The following HDAC9 variants were observed in gnomAD, a reference collection of about 807,000 sequenced individuals.
The protein encoded by HDAC9 is histone deacetylase 9.
In HDAC9, 41 loss-of-function variants were observed where a neutral mutation model predicts 139.4. The ratio of observed to expected loss-of-function variants is 0.29; its 90% CI spans 0.23 to 0.38. The LOEUF (loss-of-function observed/expected upper bound fraction) is 0.38, where lower values mean the gene tolerates loss of function less well. HDAC9 is among the 10% of genes least tolerant of loss of function. The probability of loss-of-function intolerance (pLI) is 1.00; values close to 1 mark genes in which losing one functional copy is unlikely to be tolerated. For synonymous variants in HDAC9, 517 were observed against 476.2 expected (o/e 1.09, Z -1.12); for missense variants, 1,147 against 1,297.0 (o/e 0.88, Z 1.78).
chr7:18,240,931 A>G lies in HDAC9; in HGVS notation c.25+78582A>G, dbSNP rs1029136177. On this transcript the variant is annotated intron_variant, in intron 2 of 12. Transcript: ENST00000417496. The stretch of plus-strand genomic sequence containing the variant: ...TCCTTTCTTTCAGGTCTCTGCTCAG[A>G]TGTCACTGCATCATTGAGACCTTCC... Among the ~76,000 whole-genome samples the G allele has an allele frequency of 2.0e-5, 3 of 152,096 alleles. No individual in the cohort carries two copies. In the South Asian group the frequency reaches 6.2e-4, roughly 32 times the overall value.
At chr7:18,356,358 GTTTTTTTTTTTTT>G (rs5882659) in intron 1 of HDAC9, among the ~76,000 whole-genome samples, 3 of 55,140 alleles carry the variant, frequency 5.4e-5, no homozygotes, top group East Asian at 5.8e-4. Flanking sequence ...CAGCACATAG[GTTTTTTTTTTTTT>G]TTTTTTTTTT....
intron 21 of HDAC9, among the ~76,000 whole-genome samples, chr7:18,853,456 G>A (rs1363755410): frequency 6.6e-6 from 1 of 152,148 alleles, no homozygotes; most frequent in African/African-American, 2.4e-5. Flanking sequence ...AGCATCAATT[G>A]TAAGATAATT....
intron 21 of HDAC9, among the ~76,000 whole-genome samples, chr7:18,857,258 G>C (rs1279662448): frequency 6.6e-6 from 1 of 150,674 alleles, no homozygotes; most frequent in Admixed American, 6.6e-5. Flanking sequence ...CAATTCAGAG[G>C]GTCAAGATTG....
intron 2 of HDAC9, among the ~76,000 whole-genome samples, chr7:18,175,722 T>A (rs1788838442): frequency 6.6e-6 from 1 of 151,952 alleles, no homozygotes. Flanking sequence ...TGTATTGATT[T>A]ATAGGAAATT....
chr7:18,792,406 C>A (rs1562945108), intron 16 of HDAC9, among the ~76,000 whole-genome samples: 1 of 151,804 alleles, frequency 6.6e-6, no homozygotes, highest in East Asian at 1.9e-4. Context: ...AAATTAGAGA[C>A]TTCTACCATC....
intron 21 of HDAC9, among the ~76,000 whole-genome samples, chr7:18,847,014 A>G (rs1425319901): frequency 1.3e-5 from 2 of 152,142 alleles, no homozygotes; most frequent in Non-Finnish European, 2.9e-5. Flanking sequence ...TGACTTTGAT[A>G]TTGTTTGAAG....
chr7:18,801,494 AT>A (rs1358041470), intron 17 of HDAC9, among the ~76,000 whole-genome samples: 5 of 152,092 alleles, frequency 3.3e-5, no homozygotes, highest in Non-Finnish European at 7.4e-5. Context: ...TGGTTTGCTA[AT>A]AATATTTTGG....
At chr7:18,951,652 C>T (rs1782801119) in intron 23 of HDAC9, among the ~76,000 whole-genome samples, 1 of 151,798 alleles carries the variant, frequency 6.6e-6, no homozygotes, top group Non-Finnish European at 1.5e-5. Context: ...TAATCTCCAT[C>T]ACCAATGTTT....
In HDAC9 at chr7:18,649,762, C is replaced by T. The variant is rs545240131; in HGVS notation, c.1467+1079C>T. 7.2e-5 allele frequency among the ~76,000 whole-genome samples: 11 copies of T among 152,134 alleles called. No homozygotes were observed. The East Asian group carries it at 7.8e-4, about 11-fold the overall frequency. ...GTTTTTCTCTTCTTTTGGCCTCCAT[C>T]GTAACAAGGGCAGAGCCATGAAGGA... On this transcript the variant is annotated intron_variant, in intron 11 of 25. Transcript: ENST00000686413.
At chr7:18,632,080 A>G (rs1782526569) in intron 7 of HDAC9, among the ~76,000 whole-genome samples, 1 of 151,976 alleles carries the variant, frequency 6.6e-6, no homozygotes, top group Non-Finnish European at 1.5e-5. Context: ...TGATATGGAA[A>G]TGAGACATTA....
intron 1 of HDAC9, among the ~76,000 whole-genome samples, chr7:18,300,179 A>AT (rs1304462098): frequency 6.8e-6 from 1 of 147,432 alleles, no homozygotes; most frequent in Admixed American, 6.8e-5. Flanking sequence ...ACATTATGAG[A>AT]TTTTTTTGCA....
Position 18,862,386 on chromosome 7 carries a change from T to C in HDAC9, c.2685-12092T>C, listed in dbSNP as rs1562999625. On this transcript the variant is annotated intron_variant, in intron 21 of 25. Transcript: ENST00000686413. Reference sequence around the variant, plus strand: ...AGTTAATCTAAATGAATCCCCCCAGTCTCATATAATAGTTGAAACTAAGAC... The same window carrying C: ...AGTTAATCTAAATGAATCCCCCCAGCCTCATATAATAGTTGAAACTAAGAC... Among the ~76,000 whole-genome samples, 6 of 152,056 alleles carry C rather than the reference T, an allele frequency of 3.9e-5. No individual in the cohort carries two copies. In the South Asian group the frequency reaches 1.2e-3, roughly 32 times the overall value.
intron 22 of HDAC9, among the ~76,000 whole-genome samples, chr7:18,895,826 G>GT (rs1426446409): frequency 6.6e-6 from 1 of 151,956 alleles, no homozygotes; most frequent in Non-Finnish European, 1.5e-5. Context: ...ATTTCCAAGA[G>GT]TTTCCTGTTT....
chr7:18,400,852 G>A (rs923100225), intron 1 of HDAC9, among the ~76,000 whole-genome samples: 1 of 152,132 alleles, frequency 6.6e-6, no homozygotes, highest in African/African-American at 2.4e-5. Flanking sequence ...TGCAAACCAC[G>A]TCTGCATTTT....
At chr7:18,456,582 G>T (rs1166143087) in intron 1 of HDAC9, among the ~76,000 whole-genome samples, 1 of 152,024 alleles carries the variant, frequency 6.6e-6, no homozygotes, top group Non-Finnish European at 1.5e-5. Flanking sequence ...TCATTCATAT[G>T]ATTTATGAAC....
intron 17 of HDAC9, chr7:18,807,967 CTGTTTTCTTATTGATTCTTTTTT>C: frequency 6.6e-6 from 1 of 152,288 alleles, no homozygotes; most frequent in East Asian, 1.9e-4. Flanking sequence ...TTCAAGTCCA[CTGTTTTCTTATTGATTCTTTTTT>C]TGTGGATGAT....
chr7:18,879,503 G>C (rs1370834089), intron 22 of HDAC9, among the ~76,000 whole-genome samples: 1 of 151,846 alleles, frequency 6.6e-6, no homozygotes, highest in Non-Finnish European at 1.5e-5. Context: ...CCAGAAATAA[G>C]GCCACACACC....
intron 2 of HDAC9, among the ~76,000 whole-genome samples, chr7:18,253,191 G>T (rs966629157): frequency 6.6e-6 from 1 of 152,130 alleles, no homozygotes; most frequent in South Asian, 2.1e-4. Flanking sequence ...CTTTGCTGTT[G>T]TGAATACTAC....
At chr7:18,413,942 T>C (rs1459959030) in intron 1 of HDAC9, among the ~76,000 whole-genome samples, 1 of 152,142 alleles carries the variant, frequency 6.6e-6, no homozygotes, top group African/African-American at 2.4e-5. Flanking sequence ...TATAAGCCAG[T>C]TATGATAAGA....
Sources: gnomAD v4.1 joint callset for allele counts (sites outside exome capture counted in the v4.1 genomes callset) on GRCh38, gnomAD v4.1.1 for gene constraint, MANE v1.5 for transcripts, NCBI Gene and HGNC (gene_info 2026-07-23, HGNC 2026-07-21) for gene names.